NFIB: variants seen among roughly 807,000 people sequenced by gnomAD.
The protein encoded by NFIB is nuclear factor I B, also known as nuclear factor 1 B-type.
In NFIB, 11 loss-of-function variants were observed where a neutral mutation model predicts 61.5. That is an observed-to-expected ratio of 0.18 (90% CI 0.11 to 0.30). The LOEUF (loss-of-function observed/expected upper bound fraction) is 0.30. NFIB is among the 10% of genes least tolerant of loss of function. NFIB has a pLI of 1.00. For synonymous variants in NFIB, 260 were observed against 216.5 expected (o/e 1.20, Z -1.76); for missense variants, 471 against 608.9 (o/e 0.77, Z 2.38).
chr9:14,092,698 CT>C (rs1181050752), intron 10 of NFIB, among the ~76,000 whole-genome samples: 1 of 151,978 alleles, frequency 6.6e-6, no homozygotes, highest in Non-Finnish European at 1.5e-5. Flanking sequence ...GAATATGTAG[CT>C]GGTCTAAGTG....
intron 6 of NFIB, among the ~76,000 whole-genome samples, chr9:14,137,298 T>A (rs1014601458): frequency 6.6e-6 from 1 of 152,196 alleles, no homozygotes; most frequent in Non-Finnish European, 1.5e-5. Flanking sequence ...CATGCATTTG[T>A]GAGAACTGCG....
chr9:14,313,086 A>G lies in NFIB; in HGVS notation c.30+396T>C, dbSNP rs574743617. Among the ~76,000 whole-genome samples, 3 of 152,304 alleles carry G rather than the reference A, an allele frequency of 2.0e-5. No individual in the cohort carries two copies. Among genetic ancestry groups the G allele is most frequent in the South Asian group, 4.1e-4 (2 of 4,826 alleles). On this transcript the variant is annotated intron_variant, in intron 1 of 10. Transcript: ENST00000380953. This position sits in a 1 kb window ranked among gnomAD's most constrained non-coding sequence, Gnocchi z 4.5. ...TGTTTTTAAAAGCTTAGTCCCCCGT[A>G]AAGTCCTCCAAAGCCCGAGTCCACC... is the stretch of plus-strand genomic sequence containing the variant.
At chr9:14,483,309 T>C in the NFIB span, among the ~76,000 whole-genome samples, 24 of 152,358 alleles carry the variant, frequency 1.6e-4, no homozygotes, top group East Asian at 4.0e-3. Context: ...ACATATTTCA[T>C]TGCTACCGGG....
intron 2 of NFIB, among the ~76,000 whole-genome samples, chr9:14,265,851 T>C (rs1046393790): frequency 1.8e-4 from 28 of 152,206 alleles, no homozygotes; most frequent in African/African-American, 6.8e-4. Flanking sequence ...TAGCATTCTG[T>C]AATCAGTCTT....
At chr9:14,135,894 T>C (rs1485083927) in intron 6 of NFIB, among the ~76,000 whole-genome samples, 1 of 152,208 alleles carries the variant, frequency 6.6e-6, no homozygotes, top group Non-Finnish European at 1.5e-5. Context: ...TAATTACACT[T>C]GAGCATATTA....
chr9:14,184,603 T>C (rs1323475510), intron 2 of NFIB, among the ~76,000 whole-genome samples: 2 of 152,208 alleles, frequency 1.3e-5, no homozygotes, highest in Non-Finnish European at 2.9e-5. Flanking sequence ...AAATAAGTAA[T>C]AGCCTGTAAA....
intron 1 of NFIB, among the ~76,000 whole-genome samples, chr9:14,308,626 G>C (rs1439576112): frequency 6.6e-6 from 1 of 152,100 alleles, no homozygotes; most frequent in East Asian, 1.9e-4. Context: ...GTCAGTTACT[G>C]CTTTTGTGGA....
intron 6 of NFIB, among the ~76,000 whole-genome samples, chr9:14,137,562 G>GT (rs1402301429): frequency 6.6e-6 from 1 of 152,008 alleles, no homozygotes; most frequent in East Asian, 1.9e-4. Flanking sequence ...ATACAACTTT[G>GT]TTATTTTACA....
At chr9:14,506,353 C>T in the NFIB span, among the ~76,000 whole-genome samples, 10 of 152,162 alleles carry the variant, frequency 6.6e-5, no homozygotes, top group Non-Finnish European at 1.5e-4. Context: ...GCTAGGTGCT[C>T]GGGAGGACGG....
chr9:14,489,547 T>A, the NFIB span, among the ~76,000 whole-genome samples: 1 of 152,144 alleles, frequency 6.6e-6, no homozygotes, highest in African/African-American at 2.4e-5. Flanking sequence ...ATGCAAGTGT[T>A]AAAAAATGAA....
At chr9:14,312,667 T>C (rs1394861563) in intron 1 of NFIB, among the ~76,000 whole-genome samples, 1 of 152,174 alleles carries the variant, frequency 6.6e-6, no homozygotes, top group Non-Finnish European at 1.5e-5. Flanking sequence ...TTTTATTTCA[T>C]AACATTATTC....
intron 2 of NFIB, among the ~76,000 whole-genome samples, chr9:14,253,768 T>A (rs532805533): frequency 6.6e-6 from 1 of 152,334 alleles, no homozygotes; most frequent in African/African-American, 2.4e-5. Flanking sequence ...CCTCTAGGTA[T>A]CTTTGCGGAA....
At chr9:14,278,565 A>T (rs1365994200) in intron 2 of NFIB, among the ~76,000 whole-genome samples, 1 of 152,188 alleles carries the variant, frequency 6.6e-6, no homozygotes, top group Non-Finnish European at 1.5e-5. Flanking sequence ...CGAGCCCCTG[A>T]GTGAGCGGAG....
At position 14,219,981 on chromosome 9, in the gene NFIB, C is replaced by G. The variant is rs537981357; in HGVS notation, c.563-40201G>C. Reference sequence around the variant, plus strand: ...AGAGGATGGAACTACACCAAAAAAACTTTTCCAACTCCAGTCTTGGGAGCG... The same window carrying G: ...AGAGGATGGAACTACACCAAAAAAAGTTTTCCAACTCCAGTCTTGGGAGCG... On this transcript the variant is annotated intron_variant, in intron 2 of 10. Transcript: ENST00000380953. Among the ~76,000 whole-genome samples the G allele has an allele frequency of 1.7e-3, 261 of 152,258 alleles. 3 individuals are homozygous for G. The highest frequency in any genetic ancestry group is 6.0e-3 in the African/African-American group (248 of 41,556).
In NFIB at chr9:14,217,601, G is replaced by A. The variant is rs571074060; in HGVS notation, c.563-37821C>T. 2.0e-4 allele frequency among the ~76,000 whole-genome samples: 29 copies of A among 142,184 alleles called. 1 individual carries two copies. Among genetic ancestry groups the A allele is most frequent in the Admixed American group, 6.8e-4 (9 of 13,292 alleles). 93.3% of individuals were successfully genotyped at this position (142,184 alleles called of 152,430 possible). A position where few individuals can be genotyped will look rare whatever the true frequency, so the allele number is the denominator to read the frequency against. ...CTTGAACCCAGGAAGTGGAGGTTGCGGTGAGCCGAGATTGCAACATTGCAT... is the reference window on the plus strand; with the variant it reads ...CTTGAACCCAGGAAGTGGAGGTTGCAGTGAGCCGAGATTGCAACATTGCAT... On this transcript the variant is annotated intron_variant, in intron 2 of 10. Coordinates refer to ENST00000380953, the MANE Select transcript of NFIB (RefSeq NM_001190737.2).
At chr9:14,334,636 A>G (rs954712935) in intron 1 of NFIB, among the ~76,000 whole-genome samples, 33 of 152,132 alleles carry the variant, frequency 2.2e-4, no homozygotes, top group Admixed American at 2.0e-3. Context: ...GAGGCTTACA[A>G]TTCCACTCTT....
intron 2 of NFIB, among the ~76,000 whole-genome samples, chr9:14,256,013 C>T (rs1172831962): frequency 6.6e-6 from 1 of 152,194 alleles, no homozygotes; most frequent in Non-Finnish European, 1.5e-5. Flanking sequence ...CTTGAGAAGT[C>T]CCTTAATTCT....
intron 2 of NFIB, among the ~76,000 whole-genome samples, chr9:14,231,530 A>G (rs1342758262): frequency 1.3e-5 from 2 of 152,152 alleles, no homozygotes; most frequent in African/African-American, 4.8e-5. Flanking sequence ...GATTGCATAG[A>G]AAGAAAAGTG....
upstream of NFIB, among the ~76,000 whole-genome samples, chr9:14,315,502 G>C (rs1473954433): frequency 6.9e-6 from 1 of 145,376 alleles, no homozygotes; most frequent in Non-Finnish European, 1.5e-5. Context: ...CTACCCGCCC[G>C]GGTGCAGGCG....
Sources: allele counts gnomAD v4.1 joint callset (sites outside exome capture counted in the v4.1 genomes callset), GRCh38; gene constraint gnomAD v4.1.1; non-coding constraint Gnocchi (gnomAD v3.1); transcripts MANE v1.5; gene names NCBI Gene and HGNC (gene_info 2026-07-23, HGNC 2026-07-21).